BCL7C: variants seen among roughly 807,000 people sequenced by gnomAD.
BCL7C encodes BAF chromatin remodeling complex subunit BCL7C, also known as B-cell CLL/lymphoma 7 protein family member C.
BCL7C carries 8 observed loss-of-function variants against 26.2 expected under a neutral mutation model. That is an observed-to-expected ratio of 0.30 (90% CI 0.18 to 0.55). The LOEUF is 0.55. BCL7C is among the 20% of genes least tolerant of loss of function. The probability of loss-of-function intolerance (pLI) is 0.93; values close to 1 mark genes in which losing one functional copy is unlikely to be tolerated. For synonymous variants in BCL7C, 90 were observed against 116.5 expected (o/e 0.77, Z 1.47); for missense variants, 262 against 298.5 (o/e 0.88, Z 0.90).
downstream of BCL7C, among the ~76,000 whole-genome samples, chr16:30,887,004 G>A (rs1201960730): frequency 3.3e-5 from 5 of 151,836 alleles, no homozygotes; most frequent in Non-Finnish European, 7.4e-5. Context: ...GAGACCCCAT[G>A]TCTACAAAAA....
chr16:30,845,247 C>A (rs1412534102), intron 5 of BCL7C, among the ~76,000 whole-genome samples: 2 of 152,226 alleles, frequency 1.3e-5, no homozygotes, highest in Non-Finnish European at 2.9e-5. Context: ...CTGTAGCAGT[C>A]TAGCTTTCTC....
At chr16:30,861,024 G>A (rs2054767247) in intron 5 of BCL7C, among the ~76,000 whole-genome samples, 1 of 152,122 alleles carries the variant, frequency 6.6e-6, no homozygotes, top group Non-Finnish European at 1.5e-5. Flanking sequence ...AGAGGTGGCT[G>A]GAGCTGAAGG....
chr16:30,874,029 T>C (rs1418136091), intron 5 of BCL7C, among the ~76,000 whole-genome samples: 2 of 146,074 alleles, frequency 1.4e-5, no homozygotes, highest in Admixed American at 6.9e-5. Context: ...AGATTCTTGC[T>C]CTGTGGCCCA....
At chr16:30,881,082 G>T (rs1237158232) in intron 5 of BCL7C, among the ~76,000 whole-genome samples, 1 of 152,064 alleles carries the variant, frequency 6.6e-6, no homozygotes, top group Non-Finnish European at 1.5e-5. Flanking sequence ...ACCTGTGAAT[G>T]AATACTGGGC....
intron 5 of BCL7C, among the ~76,000 whole-genome samples, chr16:30,857,104 G>T (rs2054728874): frequency 6.6e-6 from 1 of 152,098 alleles, no homozygotes; most frequent in Non-Finnish European, 1.5e-5. Flanking sequence ...GATAAACCCT[G>T]AGGGCTGGGC....
chr16:30,851,532 A>T, intron 5 of BCL7C: 1 of 284,106 alleles, frequency 3.5e-6, no homozygotes, highest in Non-Finnish European at 6.7e-6. Context: ...GAGCCACCGC[A>T]CCCGGCCTCA....
At chr16:30,880,858 C>T (rs768637884) in intron 5 of BCL7C, among the ~76,000 whole-genome samples, 1 of 151,530 alleles carries the variant, frequency 6.6e-6, no homozygotes, top group Non-Finnish European at 1.5e-5. Context: ...ACCATCATGC[C>T]CGGCTAATTT....
At chr16:30,838,608 C>T (rs1044720084) in intron 5 of BCL7C, among the ~76,000 whole-genome samples, 1 of 152,146 alleles carries the variant, frequency 6.6e-6, no homozygotes, top group African/African-American at 2.4e-5. Flanking sequence ...CATGGCGATA[C>T]CCTGTCTCTA....
In BCL7C at chr16:30,835,677, C is replaced by A. The variant is rs144500220; in HGVS notation, c.529-529G>T. On this transcript the variant is annotated intron_variant, in intron 5 of 5. Transcript: ENST00000380317. ...CCTGACCAATATGGTGAAACCCCGT[C>A]TCTACTAAAAATATAAAAATTAGCT... 4.6e-3 allele frequency among the ~76,000 whole-genome samples: 692 copies of A among 151,230 alleles called. 2 individuals are homozygous for A. The highest frequency in any genetic ancestry group is 0.016 in the African/African-American group (661 of 41,162).
At chr16:30,838,479 A>G (rs1468482913) in intron 5 of BCL7C, among the ~76,000 whole-genome samples, 11 of 152,148 alleles carry the variant, frequency 7.2e-5, no homozygotes, top group Non-Finnish European at 1.3e-4. Flanking sequence ...ATATTTGCTT[A>G]TGAGTATAAA....
downstream of BCL7C, chr16:30,887,738 C>T (rs1567323233): frequency 6.9e-7 from 1 of 1,440,466 alleles, no homozygotes; most frequent in Non-Finnish European, 9.2e-7. Context: ...GTGCATGAGA[C>T]AAAACTGTCT....
At chr16:30,843,737 C>T (rs1395494611) in intron 5 of BCL7C, among the ~76,000 whole-genome samples, 1 of 151,912 alleles carries the variant, frequency 6.6e-6, no homozygotes, top group Non-Finnish European at 1.5e-5. Flanking sequence ...GCTCCAGTCC[C>T]TGCTCAAAAC....
intron 5 of BCL7C, 112 bp downstream of exon 5, chr16:30,888,748 T>C: frequency 1.0e-6 from 1 of 961,018 alleles, no homozygotes; most frequent in Non-Finnish European, 1.6e-6. Flanking sequence ...TTCAGCTCTG[T>C]CCCAGGTCTG....
At chr16:30,862,218 T>C (rs1008686089) in intron 5 of BCL7C, among the ~76,000 whole-genome samples, 7 of 152,148 alleles carry the variant, frequency 4.6e-5, no homozygotes, top group Non-Finnish European at 8.8e-5. Flanking sequence ...TTTAACCAAA[T>C]TATTTGCTTC....
chr16:30,892,771 G>T, intron 3 of BCL7C, 24 bp from the exon 4 acceptor site: 1 of 1,614,116 alleles, frequency 6.2e-7, no homozygotes. Flanking sequence ...AGCCGAGATG[G>T]TTGGCCTGAG....
chr16:30,846,586 T>C (rs1325642562), intron 5 of BCL7C, among the ~76,000 whole-genome samples: 1 of 152,186 alleles, frequency 6.6e-6, no homozygotes, highest in African/African-American at 2.4e-5. Context: ...AGGCTCTCTG[T>C]ATTCTTTAGA....
chr16:30,872,612 ATT>A (rs2143025460), intron 5 of BCL7C, among the ~76,000 whole-genome samples: 1 of 152,260 alleles, frequency 6.6e-6, no homozygotes, highest in South Asian at 2.1e-4. Context: ...ATATTTGAAT[ATT>A]TGTTAGAAGA....
intron 4 of BCL7C, among the ~76,000 whole-genome samples, chr16:30,891,318 C>T (rs1010203884): frequency 5.9e-5 from 9 of 151,356 alleles, no homozygotes; most frequent in African/African-American, 9.7e-5. Context: ...CAAAACCAGC[C>T]GAGCATGGTG....
intron 5 of BCL7C, among the ~76,000 whole-genome samples, chr16:30,868,581 T>C (rs1381533843): frequency 6.7e-6 from 1 of 150,014 alleles, no homozygotes; most frequent in Non-Finnish European, 1.5e-5. Context: ...AGGTCGGGAG[T>C]TCGAGACCAG....
Sources: gnomAD v4.1 joint callset for allele counts (sites outside exome capture counted in the v4.1 genomes callset) on GRCh38, gnomAD v4.1.1 for gene constraint, MANE v1.5 for transcripts, NCBI Gene and HGNC (gene_info 2026-07-23, HGNC 2026-07-21) for gene names.